The following CNTNAP5 variants were observed in gnomAD, a reference collection of about 807,000 sequenced individuals.
CNTNAP5 encodes contactin-associated protein-like 5.
Under a neutral mutation model 150.2 loss-of-function variants are expected in CNTNAP5, and 72 were observed. The observed-to-expected ratio is 0.48, with a 90% CI of 0.40 to 0.58. The LOEUF (loss-of-function observed/expected upper bound fraction) is 0.58, where lower values mean the gene tolerates loss of function less well. Ranked by LOEUF, CNTNAP5 falls within the 20% of genes least tolerant of loss-of-function variation. The pLI is 0.00. For missense variants in CNTNAP5, 1,636 were observed against 1,626.2 expected (o/e 1.01, Z -0.10); for synonymous variants, 672 against 619.8 (o/e 1.08, Z -1.25).
intron 19 of CNTNAP5, among the ~76,000 whole-genome samples, chr2:124,798,915 C>T (rs1279894935): frequency 6.6e-6 from 1 of 151,788 alleles, no homozygotes; most frequent in Non-Finnish European, 1.5e-5. Context: ...TTTTATTTGA[C>T]AAAACTATAG....
At chr2:124,820,496 G>A (rs1327669190) in intron 19 of CNTNAP5, among the ~76,000 whole-genome samples, 8 of 151,378 alleles carry the variant, frequency 5.3e-5, no homozygotes, top group Admixed American at 1.3e-4. Context: ...AAAATGCAGC[G>A]AATTTAGGAG....
At chr2:124,832,928 T>TTTTG in intron 19 of CNTNAP5, among the ~76,000 whole-genome samples, 1 of 151,550 alleles carries the variant, frequency 6.6e-6, no homozygotes, top group Admixed American at 6.6e-5. Flanking sequence ...CCTTTTTTTT[T>TTTTG]TTGAGACAGG....
At chr2:124,031,600 T>C (rs1162668528) in intron 1 of CNTNAP5, among the ~76,000 whole-genome samples, 1 of 152,188 alleles carries the variant, frequency 6.6e-6, no homozygotes, top group African/African-American at 2.4e-5. Context: ...ATGATGGTCT[T>C]ATTTATGTAT....
At chr2:124,528,347 C>T (rs1672860166) in intron 10 of CNTNAP5, among the ~76,000 whole-genome samples, 1 of 152,230 alleles carries the variant, frequency 6.6e-6, no homozygotes, top group Admixed American at 6.5e-5. Context: ...TAGTCTGACC[C>T]TGAGAATGAG....
At chr2:124,223,884 C>T (rs1423802340) in intron 2 of CNTNAP5, among the ~76,000 whole-genome samples, 1 of 151,186 alleles carries the variant, frequency 6.6e-6, no homozygotes, top group Non-Finnish European at 1.5e-5. Flanking sequence ...AGTTGGGATG[C>T]ACTGACCTAG....
intron 3 of CNTNAP5, among the ~76,000 whole-genome samples, chr2:124,406,584 T>C (rs1691576686): frequency 6.6e-6 from 1 of 152,230 alleles, no homozygotes; most frequent in African/African-American, 2.4e-5. Context: ...GTAATACTTG[T>C]ACATAGTTAT....
intron 3 of CNTNAP5, among the ~76,000 whole-genome samples, chr2:124,286,756 C>T (rs770017078): frequency 6.6e-6 from 1 of 151,762 alleles, no homozygotes; most frequent in Non-Finnish European, 1.5e-5. Flanking sequence ...GGTCACCCTT[C>T]TCCTGGGAGA....
intron 3 of CNTNAP5, among the ~76,000 whole-genome samples, chr2:124,297,508 G>A (rs1218035521): frequency 6.6e-6 from 1 of 151,970 alleles, no homozygotes; most frequent in Non-Finnish European, 1.5e-5. Flanking sequence ...TAGAAGCACC[G>A]TTTTTTCCAA....
chr2:124,163,654 C>T (rs1455211729), intron 1 of CNTNAP5, among the ~76,000 whole-genome samples: 9 of 152,128 alleles, frequency 5.9e-5, no homozygotes, highest in Admixed American at 4.6e-4. Context: ...GGTTTCCTCC[C>T]TTAAATCTGC....
intron 11 of CNTNAP5, among the ~76,000 whole-genome samples, chr2:124,605,640 C>A (rs2104978885): frequency 6.6e-6 from 1 of 151,234 alleles, no homozygotes; most frequent in South Asian, 2.1e-4. Flanking sequence ...CATGGTGAAA[C>A]CCTGTCTCTA....
chr2:124,713,281 CTTTCTTTCT>C (rs1679858948), intron 13 of CNTNAP5, among the ~76,000 whole-genome samples: 1 of 105,422 alleles, frequency 9.5e-6, no homozygotes, highest in Non-Finnish European at 2.1e-5. Context: ...TTCTTTCTTT[CTTTCTTTCT>C]TTCTTTCTTT....
intron 13 of CNTNAP5, among the ~76,000 whole-genome samples, chr2:124,658,041 A>G (rs979981791): frequency 1.4e-4 from 21 of 152,326 alleles, no homozygotes; most frequent in African/African-American, 3.8e-4. Flanking sequence ...TATTCCCAAA[A>G]TGCTTAGAAT....
At chr2:124,778,332 AG>A (rs1355881602) in intron 17 of CNTNAP5, 1 of 152,216 alleles carries the variant, frequency 6.6e-6, no homozygotes, top group Non-Finnish European at 1.5e-5. Flanking sequence ...TGGGCAGAGT[AG>A]GGGATGGGAA....
intron 3 of CNTNAP5, among the ~76,000 whole-genome samples, chr2:124,339,888 C>T (rs953210644): frequency 6.6e-6 from 1 of 151,814 alleles, no homozygotes; most frequent in Non-Finnish European, 1.5e-5. Flanking sequence ...TGTGTGGGGC[C>T]ATAGAATCAG....
At chr2:124,360,717 C>A (rs1268135490) in intron 3 of CNTNAP5, among the ~76,000 whole-genome samples, 3 of 112,402 alleles carry the variant, frequency 2.7e-5, no homozygotes, top group African/African-American at 6.9e-5. Context: ...GGTAACCCGA[C>A]CTTTCTCTCT....
intron 1 of CNTNAP5, among the ~76,000 whole-genome samples, chr2:124,044,889 AACACACACACACACACACACAC>A (rs147761848): frequency 6.9e-6 from 1 of 143,996 alleles, no homozygotes; most frequent in Non-Finnish European, 1.5e-5. Context: ...GTAGTGAGGA[AACACACACACACACACACACAC>A]ACACACACAC....
chr2:124,857,188 G>T (rs553684582), intron 19 of CNTNAP5, among the ~76,000 whole-genome samples: 1 of 152,056 alleles, frequency 6.6e-6, no homozygotes, highest in African/African-American at 2.4e-5. Flanking sequence ...ACTTCAACTC[G>T]TGCAGCTCTA....
At chr2:124,707,950 A>C (rs1455223110) in intron 13 of CNTNAP5, among the ~76,000 whole-genome samples, 1 of 152,220 alleles carries the variant, frequency 6.6e-6, no homozygotes, top group Non-Finnish European at 1.5e-5. Context: ...ACTTTTAAAA[A>C]AAATCACTAT....
At chr2:124,249,957 T>A (rs1404571041) in intron 3 of CNTNAP5, among the ~76,000 whole-genome samples, 1 of 115,198 alleles carries the variant, frequency 8.7e-6, no homozygotes, top group Admixed American at 9.1e-5. Flanking sequence ...AAGGATGAAT[T>A]CTTTTGTGTG....
Sources: allele counts gnomAD v4.1 joint callset (sites outside exome capture counted in the v4.1 genomes callset), GRCh38; gene constraint gnomAD v4.1.1; transcripts MANE v1.5; gene names NCBI Gene and HGNC (gene_info 2026-07-23, HGNC 2026-07-21).